PREX1: variants seen among roughly 807,000 people sequenced by gnomAD.
PREX1 encodes phosphatidylinositol 3,4,5-trisphosphate-dependent Rac exchanger 1 protein.
PREX1 carries 41 observed loss-of-function variants against 198.3 expected under a neutral mutation model. That is an observed-to-expected ratio of 0.21 (90% CI 0.16 to 0.27). PREX1 has a LOEUF of 0.27. PREX1 is among the 10% of genes least tolerant of loss of function. PREX1 has a pLI of 1.00. For missense variants in PREX1, 1,620 were observed against 2,200.7 expected (o/e 0.74, Z 5.28); for synonymous variants, 843 against 887.2 (o/e 0.95, Z 0.89).
At chr20:48,752,076 C>G (rs1488782332) in intron 1 of PREX1, among the ~76,000 whole-genome samples, 2 of 152,148 alleles carry the variant, frequency 1.3e-5, no homozygotes, top group Admixed American at 1.3e-4. Context: ...ACTGCATATG[C>G]AAAGCCCCAG....
the PREX1 span, among the ~76,000 whole-genome samples, chr20:48,833,215 A>G: frequency 5.3e-5 from 8 of 152,198 alleles, no homozygotes; most frequent in African/African-American, 1.9e-4. Context: ...AAGTGGATGA[A>G]GCCATGATGT....
At chr20:48,652,474 G>C in intron 21 of PREX1, 112 bp downstream of exon 21, 1 of 1,388,378 alleles carries the variant, frequency 7.2e-7, no homozygotes, top group Non-Finnish European at 9.7e-7. Flanking sequence ...TGCTGGCATG[G>C]AGGTGGACTG....
chr20:48,669,259 C>T (rs532638099), intron 14 of PREX1, among the ~76,000 whole-genome samples: 5 of 152,186 alleles, frequency 3.3e-5, no homozygotes, highest in South Asian at 2.1e-4. Flanking sequence ...GTCTCAGGGC[C>T]GTACCACCTC....
intron 1 of PREX1, among the ~76,000 whole-genome samples, chr20:48,796,018 T>G (rs73260223): frequency 0.032 from 4,929 of 152,232 alleles, 259 homozygotes; most frequent in African/African-American, 0.11. Flanking sequence ...CACCAGCCTA[T>G]TAACAAGAGC....
chr20:48,754,171 T>C (rs1200987707), intron 1 of PREX1, among the ~76,000 whole-genome samples: 8 of 152,196 alleles, frequency 5.3e-5, no homozygotes, highest in Admixed American at 3.3e-4. Context: ...CCTTTTTAAC[T>C]CACTAACTAC....
At chr20:48,696,254 A>C (rs1290741318) in intron 7 of PREX1, among the ~76,000 whole-genome samples, 1 of 152,214 alleles carries the variant, frequency 6.6e-6, no homozygotes, top group African/African-American at 2.4e-5. Flanking sequence ...TCTATAATCC[A>C]GCTGAAGTTG....
rs567537353 is a variant in PREX1 at position 48,690,160 on chromosome 20, G to A, written c.1186+787C>T. On this transcript the variant is annotated intron_variant, in intron 9 of 39. Coordinates refer to ENST00000371941, the MANE Select transcript of PREX1 (RefSeq NM_020820.4). ...AGACACAGCAAGTGTGAGCATCTAC[G>A]ACACCTCCAAGTGGCAATTTCAAGT... Among the ~76,000 whole-genome samples, 9 of 152,312 alleles carry A rather than the reference G, an allele frequency of 5.9e-5. No individual in the cohort carries two copies. In the South Asian group the frequency reaches 1.2e-3, roughly 21 times the overall value.
chr20:48,884,117 C>T, the PREX1 span, among the ~76,000 whole-genome samples: 2 of 139,780 alleles, frequency 1.4e-5, no homozygotes, highest in Non-Finnish European at 3.0e-5. Flanking sequence ...CCAGCCTGGA[C>T]GACAGAGCAA....
the PREX1 span, among the ~76,000 whole-genome samples, chr20:48,840,526 T>TACA: frequency 2.0e-5 from 3 of 152,300 alleles, no homozygotes; most frequent in South Asian, 6.2e-4. Flanking sequence ...ATGGGGTTTG[T>TACA]ACATATTTTG....
chr20:48,747,739 T>C, intron 2 of PREX1, 70 bp downstream of exon 2: 2 of 1,487,602 alleles, frequency 1.3e-6, no homozygotes, highest in East Asian at 2.3e-5. Context: ...CCTCTGAGCA[T>C]CGCACGGGAA....
chr20:48,787,994 C>T (rs977844652), intron 1 of PREX1, among the ~76,000 whole-genome samples: 5 of 152,218 alleles, frequency 3.3e-5, no homozygotes, highest in African/African-American at 1.2e-4. Context: ...GGGAGCTAAA[C>T]TTCACTTGCA....
intron 1 of PREX1, among the ~76,000 whole-genome samples, chr20:48,821,201 T>TA (rs200190738): frequency 2.2e-4 from 33 of 150,350 alleles, no homozygotes; most frequent in South Asian, 1.1e-3. Context: ...GACTCCATCT[T>TA]AAAAAAAAAC....
At chr20:48,745,505 C>T (rs942609208) in intron 2 of PREX1, among the ~76,000 whole-genome samples, 1 of 152,198 alleles carries the variant, frequency 6.6e-6, no homozygotes, top group Admixed American at 6.5e-5. Flanking sequence ...GCAAGCAGCT[C>T]CACATTTAGT....
chr20:48,743,126 T>C (rs1002654580), intron 3 of PREX1, among the ~76,000 whole-genome samples: 3 of 152,222 alleles, frequency 2.0e-5, no homozygotes, highest in South Asian at 2.1e-4. Flanking sequence ...GCAGCAGGAA[T>C]TGTCGTTACC....
intron 1 of PREX1, among the ~76,000 whole-genome samples, chr20:48,756,148 C>T (rs972197187): frequency 3.3e-5 from 5 of 152,250 alleles, no homozygotes; most frequent in East Asian, 1.9e-4. Flanking sequence ...ACCAGCCCTC[C>T]TTCTCTGAGT....
chr20:48,745,378 G>A (rs1052605008), intron 2 of PREX1, among the ~76,000 whole-genome samples: 10 of 152,166 alleles, frequency 6.6e-5, no homozygotes, highest in East Asian at 1.9e-4. Flanking sequence ...AACTTTATAC[G>A]CATTCATAGA....
the PREX1 span, among the ~76,000 whole-genome samples, chr20:48,843,959 A>G: frequency 1.3e-5 from 2 of 152,140 alleles, no homozygotes; most frequent in Non-Finnish European, 2.9e-5. Flanking sequence ...AGCCTGGGCA[A>G]CATATTATCT....
At chr20:48,641,040 G>A (rs2089406564) in intron 29 of PREX1, among the ~76,000 whole-genome samples, 1 of 152,068 alleles carries the variant, frequency 6.6e-6, no homozygotes, top group Non-Finnish European at 1.5e-5. Flanking sequence ...TGGGTGGATA[G>A]ATGGATAGAC....
chr20:48,669,192 A>G (rs1025787319), intron 14 of PREX1, among the ~76,000 whole-genome samples: 1 of 151,438 alleles, frequency 6.6e-6, no homozygotes, highest in African/African-American at 2.4e-5. Context: ...GCACACCTCA[A>G]GGCCTTTGCA....
Sources: allele counts gnomAD v4.1 joint callset (sites outside exome capture counted in the v4.1 genomes callset), GRCh38; gene constraint gnomAD v4.1.1; transcripts MANE v1.5; gene names NCBI Gene and HGNC (gene_info 2026-07-23, HGNC 2026-07-21).